NIPA2: variants seen among roughly 807,000 people sequenced by gnomAD.
NIPA2 encodes NIPA magnesium transporter 2, also known as magnesium transporter NIPA2.
Under a neutral mutation model 29.7 loss-of-function variants are expected in NIPA2, and 11 were observed. The ratio of observed to expected loss-of-function variants is 0.37; its 90% CI spans 0.23 to 0.61. NIPA2 has a LOEUF of 0.61. Ranked by LOEUF, NIPA2 falls within the 20% of genes least tolerant of loss-of-function variation. NIPA2 has a pLI of 0.66. For synonymous variants in NIPA2, 183 were observed against 161.9 expected, an observed-to-expected ratio of 1.13 and a Z score of -0.99; for missense variants, 426 against 437.9, an observed-to-expected ratio of 0.97 and a Z score of 0.24.
intron 2 of NIPA2, among the ~76,000 whole-genome samples, chr15:22,841,950 C>A (rs555760340): frequency 6.6e-6 from 1 of 152,274 alleles, no homozygotes; most frequent in Non-Finnish European, 1.5e-5. Flanking sequence ...TTTCAAAAAG[C>A]TCTTTGAAGC....
At chr15:22,843,084 T>C (rs540361923) in intron 2 of NIPA2, among the ~76,000 whole-genome samples, 154 of 151,592 alleles carry the variant, frequency 1.0e-3, no homozygotes, top group African/African-American at 3.7e-3. Context: ...CACAATTTGG[T>C]CTTCTTGCTA....
At chr15:22,844,641 T>C (rs1898114846) in intron 2 of NIPA2, among the ~76,000 whole-genome samples, 1 of 152,008 alleles carries the variant, frequency 6.6e-6, no homozygotes, top group Non-Finnish European at 1.5e-5. Flanking sequence ...TGTGGTCCTG[T>C]TGATTTGAGC....
chr15:22,850,974 T>TG (rs1401547060), intron 3 of NIPA2, among the ~76,000 whole-genome samples: 2 of 152,170 alleles, frequency 1.3e-5, no homozygotes, highest in Non-Finnish European at 2.9e-5. Flanking sequence ...GTTGGCCATT[T>TG]GGAAAAACAA....
At chr15:22,846,383 C>CA (rs1249603434) in intron 3 of NIPA2, among the ~76,000 whole-genome samples, 1 of 147,470 alleles carries the variant, frequency 6.8e-6, no homozygotes, top group African/African-American at 2.5e-5. Context: ...GTCAAGGCAA[C>CA]ATGTAATACT....
At chr15:22,862,174 A>G (rs1432516977) in intron 7 of NIPA2, among the ~76,000 whole-genome samples, 1 of 150,740 alleles carries the variant, frequency 6.6e-6, no homozygotes, top group Non-Finnish European at 1.5e-5. Context: ...CAGCCTCCCA[A>G]GTAGCTGGGA....
chr15:22,866,519 A>T lies in NIPA2; in HGVS notation c.755A>T (p.Tyr252Phe), dbSNP rs770695421. The change falls in exon 8 of 8, where the codon TAT (tyrosine) becomes TTT (phenylalanine). Residue 252 changes from tyrosine (Y) to phenylalanine (F), a missense_variant. Tyr to Phe is a conservative substitution (Grantham distance 22). Transcript: ENST00000337451. ...IFNTSIVTPI[Y>F]YVFFTTSVLT... ...AACACTTCCATTGTGACTCCAATAT[A>T]TTATGTATTCTTTACAACATCAGTT... 1.2e-6 allele frequency: 2 copies of T among 1,613,696 alleles called. No individual in the cohort carries two copies. Among genetic ancestry groups the T allele is most frequent in the African/African-American group, 2.7e-5 (2 of 74,910 alleles).
chr15:22,846,336 C>T (rs985299091), intron 3 of NIPA2, among the ~76,000 whole-genome samples: 1 of 152,108 alleles, frequency 6.6e-6, no homozygotes, highest in African/African-American at 2.4e-5. Flanking sequence ...GGGAAGCTTG[C>T]CCTGAGGCCA....
chr15:22,845,076 G>A (rs769426519), intron 2 of NIPA2, 70 bp from the exon 3 acceptor site: 16 of 152,148 alleles, frequency 1.1e-4, no homozygotes, highest in African/African-American at 7.2e-5. Context: ...AAATTTTACT[G>A]TTTATCTGTC....
In NIPA2 at chr15:22,866,331, C is replaced by T. The variant is rs148641796; in HGVS notation, c.567C>T (p.Gly189=). 86 of 1,613,942 alleles carry T rather than the reference C, an allele frequency of 5.3e-5. No homozygotes were observed. Among genetic ancestry groups the T allele is most frequent in the Non-Finnish European group, 6.8e-5 (80 of 1,179,952 alleles). ...ACATAACAATCTGCTCTGTAATCGGCGCGTTTTCAGTCTCCTGTGTGAAGG... is the reference window on the plus strand; with the variant it reads ...ACATAACAATCTGCTCTGTAATCGGTGCGTTTTCAGTCTCCTGTGTGAAGG... ...LVYITICSVI[G]AFSVSCVKGL... is the part of the protein sequence containing the mutation. The change falls in exon 8 of 8, where the codon GGC becomes GGT. Residue 189 remains glycine (G), a synonymous_variant. Transcript: ENST00000337451.
chr15:22,840,290 G>GTTTT (rs59421708), intron 2 of NIPA2, among the ~76,000 whole-genome samples: 27 of 137,826 alleles, frequency 2.0e-4, no homozygotes, highest in Non-Finnish European at 2.5e-4. Context: ...TCTATATATA[G>GTTTT]TTTTTTTTTT....
intron 2 of NIPA2, among the ~76,000 whole-genome samples, chr15:22,843,700 G>C (rs990276556): frequency 7.3e-5 from 11 of 151,534 alleles, no homozygotes; most frequent in Non-Finnish European, 1.3e-4. Context: ...GCCCAGGCTG[G>C]AGTGCAGTGG....
intron 7 of NIPA2, 116 bp downstream of exon 7, chr15:22,860,905 A>G (rs2058574019): frequency 7.1e-6 from 5 of 703,732 alleles, no homozygotes; most frequent in Middle Eastern, 3.0e-4. Context: ...TAGAAGAACA[A>G]ATTGTCGTCA....
chr15:22,862,381 T>C (rs1036308364), intron 7 of NIPA2, among the ~76,000 whole-genome samples: 3 of 152,160 alleles, frequency 2.0e-5, no homozygotes, highest in Non-Finnish European at 4.4e-5. Context: ...TCTTGGGAAC[T>C]GAATTGAATA....
At position 22,866,686 on chromosome 15, in the gene NIPA2, A is replaced by G. The variant is rs752070257; in HGVS notation, c.922A>G (p.Ser308Gly). The change falls in exon 8 of 8, where the codon AGT becomes GGT. Residue 308 changes from serine to glycine, a missense_variant. Around this residue, in one of 3 missense-constraint regions of NIPA2, gnomAD observed 357 missense variants for 339.8 expected, o/e 1.05. Transcript: ENST00000337451. ...TAAAGACGTCAGCTTTAGTCTAGCA[A>G]GTCTGCCTGTGTCTTTTCGAAAAGA... ...AFKDVSFSLA[S>G]LPVSFRKDEK... is the part of the protein sequence containing the mutation. The G allele has an allele frequency of 1.2e-6, 2 of 1,614,128 alleles. No individual in the cohort carries two copies. The highest frequency in any genetic ancestry group is 1.7e-6 in the Non-Finnish European group (2 of 1,180,004).
At chr15:22,840,668 C>T (rs1896838330) in intron 2 of NIPA2, among the ~76,000 whole-genome samples, 1 of 152,070 alleles carries the variant, frequency 6.6e-6, no homozygotes, top group Non-Finnish European at 1.5e-5. Flanking sequence ...TCTGTGTGGT[C>T]CTCTGCATGT....
chr15:22,854,385 A>G (rs1450902953), intron 5 of NIPA2, among the ~76,000 whole-genome samples: 1 of 150,754 alleles, frequency 6.6e-6, no homozygotes, highest in Non-Finnish European at 1.5e-5. Context: ...TCAGCCTCCC[A>G]AAGTGCTGGG....
chr15:22,851,831 G>A lies in NIPA2; in HGVS notation c.100G>A (p.Gly34Ser). The part of the protein sequence containing the change: ...IGGSFILKKK[G>S]LLRLARKGSM... ...AGGAAGTTTCATTTTGAAAAAAAAG[G>A]GCCTCCTTCGACTTGCCAGGAAAGG... The change falls in exon 4 of 8, where the codon GGC becomes AGC. Residue 34 changes from glycine (G) to serine (S), a missense_variant. Around this residue, in one of 3 missense-constraint regions of NIPA2, gnomAD observed 57 missense variants for 66.6 expected, o/e 0.86. Coordinates refer to ENST00000337451, the MANE Select transcript of NIPA2 (RefSeq NM_030922.7). 6.2e-7 allele frequency: 1 copy of A among 1,613,324 alleles called. No homozygotes were observed. Among genetic ancestry groups the A allele is most frequent in the Non-Finnish European group, 8.5e-7 (1 of 1,179,534 alleles).
In NIPA2 at chr15:22,848,671, C is replaced by CA. The variant is rs1236164644; in HGVS notation, c.-93-2963dup. The stretch of plus-strand genomic sequence containing the variant: ...TGAAACTCCATCTCTACTAAAAATA[C>CA]AAAAACTAGCTGGGCATGGCAGCAT... On this transcript the variant is annotated intron_variant, in intron 3 of 7. Coordinates refer to ENST00000337451, the MANE Select transcript of NIPA2 (RefSeq NM_030922.7). Among the ~76,000 whole-genome samples the CA allele has an allele frequency of 7.6e-5, 11 of 145,494 alleles. No individual in the cohort carries two copies. The East Asian group carries it at 2.5e-3, about 34-fold the overall frequency.
At chr15:22,857,440 CAA>C (rs397693126) in intron 5 of NIPA2, among the ~76,000 whole-genome samples, 8 of 131,860 alleles carry the variant, frequency 6.1e-5, no homozygotes, top group African/African-American at 8.2e-5. Context: ...GACTCTGTCT[CAA>C]AAAAAAAAAA....
Sources: gnomAD v4.1 joint callset for allele counts (sites outside exome capture counted in the v4.1 genomes callset) on GRCh38, gnomAD v4.1.1 for gene constraint, gnomAD v4.1.1 regional missense constraint, MANE v1.5 for transcripts, NCBI Gene and HGNC (gene_info 2026-07-23, HGNC 2026-07-21) for gene names.